The following STIM1 variants were observed in gnomAD, a reference collection of about 807,000 sequenced individuals.
The protein encoded by STIM1 is stromal interaction molecule 1.
Under a neutral mutation model 74.7 loss-of-function variants are expected in STIM1, and 25 were observed. The observed-to-expected ratio is 0.33, with a 90% CI of 0.24 to 0.47. The LOEUF (loss-of-function observed/expected upper bound fraction) is 0.47, where lower values mean the gene tolerates loss of function less well. Among genes scored for constraint, STIM1 ranks in the 20% least tolerant of loss-of-function variants. The pLI is 1.00. For missense variants in STIM1, 728 were observed against 920.8 expected (o/e 0.79, Z 2.71); for synonymous variants, 328 against 348.8 (o/e 0.94, Z 0.66).
intron 1 of STIM1, among the ~76,000 whole-genome samples, chr11:3,915,724 T>C (rs1427476801): frequency 6.7e-6 from 1 of 150,096 alleles, no homozygotes; most frequent in Admixed American, 6.6e-5. Flanking sequence ...AGGTTTTAAT[T>C]TATCTTTTGT....
At chr11:3,862,038 T>C (rs2090633263) in intron 1 of STIM1, among the ~76,000 whole-genome samples, 1 of 152,250 alleles carries the variant, frequency 6.6e-6, no homozygotes, top group Admixed American at 6.5e-5. Flanking sequence ...GTTGTCAGGC[T>C]TTTAGGGAGA....
chr11:4,057,836 C>T (rs1020110875), intron 4 of STIM1, among the ~76,000 whole-genome samples: 1 of 149,930 alleles, frequency 6.7e-6, no homozygotes, highest in Non-Finnish European at 1.5e-5. Context: ...CGCCACTGCA[C>T]TCCAGCCTAA....
At chr11:4,024,558 A>T (rs2093983629) in intron 3 of STIM1, among the ~76,000 whole-genome samples, 3 of 152,172 alleles carry the variant, frequency 2.0e-5, no homozygotes, top group Non-Finnish European at 4.4e-5. Flanking sequence ...CCTGCCTATA[A>T]GCACTTTTGT....
chr11:3,855,067 T>A (rs2090311610), upstream of STIM1: 1 of 152,232 alleles, frequency 6.6e-6, no homozygotes, highest in Non-Finnish European at 1.5e-5. Context: ...CCGCTGCGCA[T>A]GGGCGACGAA....
At chr11:3,886,980 C>G (rs1158313760) in intron 1 of STIM1, among the ~76,000 whole-genome samples, 2 of 149,924 alleles carry the variant, frequency 1.3e-5, no homozygotes, top group African/African-American at 4.9e-5. Flanking sequence ...TCCAGCCTGG[C>G]GACAGAGCAA....
intron 3 of STIM1, among the ~76,000 whole-genome samples, chr11:4,044,689 G>A (rs1222644888): frequency 6.6e-6 from 1 of 152,178 alleles, no homozygotes; most frequent in Non-Finnish European, 1.5e-5. Context: ...ACAATCTTGA[G>A]GTTTGGTCTG....
At chr11:4,016,980 G>A (rs1007742421) in intron 2 of STIM1, among the ~76,000 whole-genome samples, 11 of 152,218 alleles carry the variant, frequency 7.2e-5, no homozygotes, top group Non-Finnish European at 2.9e-5. Flanking sequence ...GTCACTCACG[G>A]CTTCCCTTTG....
chr11:3,944,355 G>A (rs1456541755), intron 1 of STIM1, among the ~76,000 whole-genome samples: 1 of 152,190 alleles, frequency 6.6e-6, no homozygotes, highest in South Asian at 2.1e-4. Context: ...TGGCAGCCAA[G>A]GTTTTGTGCC....
intron 1 of STIM1, among the ~76,000 whole-genome samples, 187 bp downstream of exon 1, chr11:3,856,596 T>C (rs899969315): frequency 2.6e-5 from 4 of 152,228 alleles, no homozygotes; most frequent in African/African-American, 9.6e-5. Context: ...GCCTGTATCT[T>C]TCCTGAACAA....
At chr11:4,083,557 C>A in intron 10 of STIM1, 59 bp downstream of exon 10, 1 of 1,506,882 alleles carries the variant, frequency 6.6e-7, no homozygotes. Context: ...GTTGAGAAGT[C>A]TGTGGCCTCT....
chr11:3,895,041 G>A (rs1454739194), intron 1 of STIM1, among the ~76,000 whole-genome samples: 3 of 151,638 alleles, frequency 2.0e-5, no homozygotes, highest in South Asian at 2.1e-4. Context: ...GAGCCACCGC[G>A]CCCGGCCGAC....
At chr11:3,924,558 G>T (rs1229580003) in intron 1 of STIM1, among the ~76,000 whole-genome samples, 1 of 151,956 alleles carries the variant, frequency 6.6e-6, no homozygotes, top group Non-Finnish European at 1.5e-5. Context: ...TGATGCAATA[G>T]TCAATAGTAT....
intron 2 of STIM1, among the ~76,000 whole-genome samples, chr11:3,998,329 T>C (rs1377598890): frequency 6.6e-6 from 1 of 152,214 alleles, no homozygotes; most frequent in African/African-American, 2.4e-5. Context: ...TTACATTGAA[T>C]CCAAGCTAGT....
At chr11:4,033,948 G>T (rs1033413488) in intron 3 of STIM1, among the ~76,000 whole-genome samples, 1 of 151,576 alleles carries the variant, frequency 6.6e-6, no homozygotes, top group Non-Finnish European at 1.5e-5. Context: ...ATATAATGTT[G>T]GGCCAGATGC....
intron 1 of STIM1, among the ~76,000 whole-genome samples, chr11:3,908,983 T>A (rs1047632534): frequency 1.3e-5 from 2 of 152,194 alleles, no homozygotes; most frequent in Admixed American, 6.5e-5. Context: ...GGTTTTATGA[T>A]GATTTGGAAG....
chr11:3,869,766 A>G (rs1057147630), intron 1 of STIM1, among the ~76,000 whole-genome samples: 1 of 152,236 alleles, frequency 6.6e-6, no homozygotes, highest in African/African-American at 2.4e-5. Context: ...TTAATCTCAC[A>G]GAATATGCAC....
intron 1 of STIM1, among the ~76,000 whole-genome samples, chr11:3,965,520 A>G (rs536664400): frequency 1.4e-4 from 22 of 152,352 alleles, no homozygotes; most frequent in African/African-American, 5.0e-4. Flanking sequence ...ATATGCAATT[A>G]TATATGTTTT....
At chr11:3,974,792 T>C (rs189124963) in intron 2 of STIM1, among the ~76,000 whole-genome samples, 2 of 152,128 alleles carry the variant, frequency 1.3e-5, no homozygotes, top group East Asian at 3.9e-4. Flanking sequence ...TGTGTTCTGT[T>C]CAAACTTCTG....
intron 1 of STIM1, among the ~76,000 whole-genome samples, chr11:3,960,518 G>A (rs1424654544): frequency 2.6e-5 from 4 of 152,182 alleles, no homozygotes; most frequent in African/African-American, 9.7e-5. Context: ...AGTGCATCAT[G>A]TTACAAAGTC....
Sources: allele counts gnomAD v4.1 joint callset (sites outside exome capture counted in the v4.1 genomes callset), GRCh38; gene constraint gnomAD v4.1.1; transcripts MANE v1.5; gene names NCBI Gene and HGNC (gene_info 2026-07-23, HGNC 2026-07-21).